Variants in ZFR observed in about 807,000 individuals in gnomAD.
ZFR encodes the protein zinc finger RNA-binding protein.
ZFR carries 19 observed loss-of-function variants against 130.7 expected under a neutral mutation model. That is an observed-to-expected ratio of 0.15 (90% CI 0.10 to 0.21). The LOEUF is 0.21. ZFR is among the 10% of genes least tolerant of loss of function. The probability of loss-of-function intolerance (pLI) is 1.00; values close to 1 mark genes in which losing one functional copy is unlikely to be tolerated. For missense variants in ZFR, 872 were observed against 1,321.5 expected, an observed-to-expected ratio of 0.66 and a Z score of 5.27; for synonymous variants, 466 against 456.9, an observed-to-expected ratio of 1.02 and a Z score of -0.25.
At position 32,434,097 on chromosome 5, in the gene ZFR, T is replaced by C. The variant is rs1754280116; in HGVS notation, c.137+10132A>G. Among the ~76,000 whole-genome samples the C allele has an allele frequency of 4.6e-5, 7 of 152,342 alleles. No homozygotes were observed. The South Asian group carries it at 1.4e-3, about 32-fold the overall frequency. On this transcript the variant is annotated intron_variant, in intron 2 of 19. Transcript: ENST00000265069. ...AAACAACAACAAAAAGGTGAAAGAA[T>C]TCTGCCAAGTATCTGCTTAGCAAAA...
chr5:32,376,122 A>G (rs1176921258), intron 17 of ZFR, among the ~76,000 whole-genome samples: 1 of 151,986 alleles, frequency 6.6e-6, no homozygotes, highest in Non-Finnish European at 1.5e-5. Flanking sequence ...GATTACAGGC[A>G]TGAGCCACCA....
intron 5 of ZFR, 64 bp from the exon 6 acceptor site, chr5:32,407,085 C>A: frequency 7.6e-7 from 1 of 1,312,652 alleles, no homozygotes; most frequent in Non-Finnish European, 1.0e-6. Flanking sequence ...TTAAAATTTA[C>A]AAATTTAAAT....
At chr5:32,405,587 TTTC>T (rs1303075732) in intron 6 of ZFR, among the ~76,000 whole-genome samples, 1 of 152,188 alleles carries the variant, frequency 6.6e-6, no homozygotes, top group Non-Finnish European at 1.5e-5. Flanking sequence ...AATCAATAAA[TTTC>T]TTATGTCCAA....
intron 15 of ZFR, among the ~76,000 whole-genome samples, 181 bp downstream of exon 15, chr5:32,385,327 T>G (rs1356833192): frequency 6.6e-6 from 1 of 152,060 alleles, no homozygotes; most frequent in African/African-American, 2.4e-5. Flanking sequence ...AATACATCAC[T>G]AAAAAGAGCA....
chr5:32,374,864 T>TTC (rs1752762876), intron 17 of ZFR, among the ~76,000 whole-genome samples: 1 of 152,186 alleles, frequency 6.6e-6, no homozygotes, highest in African/African-American at 2.4e-5. Flanking sequence ...TTAAAAGGAA[T>TTC]TGGGAAGTGA....
chr5:32,399,980 CA>C (rs1753408772), intron 9 of ZFR, 26 bp downstream of exon 9: 1 of 1,566,794 alleles, frequency 6.4e-7, no homozygotes, highest in Non-Finnish European at 8.7e-7. Context: ...TCCAATTTCA[CA>C]GCAATGGTAT....
At chr5:32,418,077 G>A (rs1432085920) in intron 3 of ZFR, among the ~76,000 whole-genome samples, 1 of 152,040 alleles carries the variant, frequency 6.6e-6, no homozygotes, top group East Asian at 1.9e-4. Flanking sequence ...TGGCTAACAC[G>A]GTGAGACCCC....
chr5:32,381,142 T>C (rs1752927864), intron 15 of ZFR, among the ~76,000 whole-genome samples: 1 of 152,296 alleles, frequency 6.6e-6, no homozygotes, highest in East Asian at 1.9e-4. Flanking sequence ...GTGGAAAAGA[T>C]GCTGATCCTG....
chr5:32,414,944 T>C lies in ZFR; in HGVS notation c.784+25A>G, dbSNP rs749215588. 6.3e-6 allele frequency: 10 copies of C among 1,591,126 alleles called. No individual in the cohort carries two copies. In the East Asian group the frequency reaches 1.8e-4, roughly 29 times the overall value. ...AGTCTCTTCCTAATTTGTTTACTCATTTAAACACAGTTTATCAGTCTTACC... is the reference window on the plus strand; with the variant it reads ...AGTCTCTTCCTAATTTGTTTACTCACTTAAACACAGTTTATCAGTCTTACC... On this transcript the variant is annotated intron_variant, in intron 5 of 19. Transcript: ENST00000265069.
Position 32,359,125 on chromosome 5 carries a change from A to T in ZFR, c.3046-3186T>A, listed in dbSNP as rs573928152. Among the ~76,000 whole-genome samples the T allele has an allele frequency of 8.6e-4, 131 of 152,020 alleles. 1 individual carries two copies. The highest frequency in any genetic ancestry group is 1.8e-4 in the Non-Finnish European group (12 of 67,966). On this transcript the variant is annotated intron_variant, in intron 19 of 19. Coordinates refer to ENST00000265069, the MANE Select transcript of ZFR (RefSeq NM_016107.5). ...TGTGAGACGGGGAGGTTGAGGCTGC[A>T]GTGGGCCCAGATGGTGCCACTGCAC...
intron 17 of ZFR, among the ~76,000 whole-genome samples, chr5:32,378,847 TAATA>T (rs1256653399): frequency 2.9e-5 from 4 of 139,772 alleles, no homozygotes; most frequent in Non-Finnish European, 1.5e-5. Flanking sequence ...AAAAGCCAAC[TAATA>T]AATGCTGTAA....
rs181063495 is a variant in ZFR at position 32,391,006 on chromosome 5, A to C, written c.1980-569T>G. On this transcript the variant is annotated intron_variant, in intron 11 of 19. Coordinates refer to ENST00000265069, the MANE Select transcript of ZFR (RefSeq NM_016107.5). ...TTAATTGTTGCCATAAGGGAATACA[A>C]TAGTCCCCACCATTCTCATCGCCGT... Among the ~76,000 whole-genome samples the C allele has an allele frequency of 3.5e-3, 536 of 152,342 alleles. 4 individuals are homozygous for C. The highest frequency in any genetic ancestry group is 6.4e-3 in the Non-Finnish European group (433 of 68,022).
intron 2 of ZFR, among the ~76,000 whole-genome samples, chr5:32,441,348 A>G (rs1405863202): frequency 6.6e-6 from 1 of 152,214 alleles, no homozygotes; most frequent in Non-Finnish European, 1.5e-5. Context: ...ATTCAATCAC[A>G]TCATTCACAC....
chr5:32,372,448 T>G (rs948473701), intron 17 of ZFR, among the ~76,000 whole-genome samples: 1 of 152,142 alleles, frequency 6.6e-6, no homozygotes, highest in African/African-American at 2.4e-5. Flanking sequence ...GAGTTTGAAC[T>G]GCACAGATCC....
chr5:32,358,633 GA>G (rs958176157), intron 19 of ZFR, among the ~76,000 whole-genome samples: 32 of 136,526 alleles, frequency 2.3e-4, no homozygotes, highest in East Asian at 6.8e-4. Flanking sequence ...CCGTCTCAAA[GA>G]AAAAAAAAAA....
At position 32,354,359 on chromosome 5, in the gene ZFR, A is replaced by G. The variant is rs917691913; in HGVS notation, c.*1401T>C. On this transcript the variant is annotated 3_prime_UTR_variant, in exon 20 of 20. Coordinates refer to ENST00000265069, the MANE Select transcript of ZFR (RefSeq NM_016107.5). Reference sequence around the variant, plus strand: ...AAGATGCAGTACTCAATAAATTTGAATATGATTTTACTGAAGCATACATCA... The same window carrying G: ...AAGATGCAGTACTCAATAAATTTGAGTATGATTTTACTGAAGCATACATCA... 1.1e-4 allele frequency: 17 copies of G among 152,612 alleles called. No homozygotes were observed. Among genetic ancestry groups the G allele is most frequent in the African/African-American group, 2.4e-4 (10 of 41,468 alleles). 9.5% of individuals were successfully genotyped at this position (152,612 alleles called of 1,614,324 possible).
chr5:32,390,369 C>T lies in ZFR; in HGVS notation c.2048G>A (p.Arg683Gln), dbSNP rs1350079146. 6.2e-6 allele frequency: 10 copies of T among 1,614,058 alleles called. No homozygotes were observed. The highest frequency in any genetic ancestry group is 1.3e-5 in the African/African-American group (1 of 74,936). The change falls in exon 12 of 20, where the codon CGA becomes CAA. Residue 683 changes from arginine to glutamine, a missense_variant. This residue lies in a region of ZFR where 225 missense variants were observed against 282.4 expected (regional missense o/e 0.80). Transcript: ENST00000265069. The part of the protein sequence containing the change: ...EEQHHWDDRR[R>Q]MPDGGYPHGP... ...ATGAGGATAACCTCCATCTGGCATT[C>T]GGCGGCGATCATCCCAATGATGTTG...
chr5:32,364,176 T>C lies in ZFR; in HGVS notation c.2935A>G (p.Ile979Val). 6.2e-7 allele frequency: 1 copy of C among 1,611,682 alleles called. No homozygotes were observed. Among genetic ancestry groups the C allele is most frequent in the Non-Finnish European group, 8.5e-7 (1 of 1,178,106 alleles). ...AAGTAAGAGTTACCTTTAAGAATAA[T>C]CCCTGAAGAAATGCATTCAAAAACT... Reference protein sequence around the residue: ...RRVFECISSGIILKGSPGLLD... With the variant: ...RRVFECISSGVILKGSPGLLD... Residue 979 changes from isoleucine (I) to valine (V), a missense_variant, in exon 18 of 20, where the codon ATT (isoleucine) becomes GTT (valine). Ile to Val is a conservative substitution (Grantham distance 29, BLOSUM62 3). Around this residue, in one of 7 missense-constraint regions of ZFR, gnomAD observed 158 missense variants for 264.0 expected, o/e 0.60. Transcript: ENST00000265069.
intron 5 of ZFR, among the ~76,000 whole-genome samples, chr5:32,407,579 G>C (rs1753604404): frequency 6.6e-6 from 1 of 152,052 alleles, no homozygotes; most frequent in African/African-American, 2.4e-5. Context: ...TCAAGAAGCT[G>C]ACAGATGCTA....
Sources: gnomAD v4.1 joint callset for allele counts (sites outside exome capture counted in the v4.1 genomes callset) on GRCh38, gnomAD v4.1.1 for gene constraint, gnomAD v4.1.1 regional missense constraint, MANE v1.5 for transcripts, NCBI Gene and HGNC (gene_info 2026-07-23, HGNC 2026-07-21) for gene names.